Variants in LRP1B observed in about 807,000 individuals in gnomAD.
The protein encoded by LRP1B is low-density lipoprotein receptor-related protein 1B.
In LRP1B, 217 loss-of-function variants were observed where a neutral mutation model predicts 556.6. The observed-to-expected ratio is 0.39, with a 90% CI of 0.35 to 0.44. The LOEUF (loss-of-function observed/expected upper bound fraction) is 0.44. LRP1B is among the 20% of genes least tolerant of loss of function. The pLI is 1.00. For synonymous variants in LRP1B, 2,047 were observed against 1,865.8 expected, an observed-to-expected ratio of 1.10 and a Z score of -2.50; for missense variants, 5,053 against 5,620.8, an observed-to-expected ratio of 0.90 and a Z score of 3.23.
At chr2:140,521,089 A>G (rs896186031) in intron 49 of LRP1B, among the ~76,000 whole-genome samples, 2 of 152,032 alleles carry the variant, frequency 1.3e-5, no homozygotes, top group Non-Finnish European at 2.9e-5. Flanking sequence ...GAGATTCATG[A>G]GAGAGAAGAG....
intron 41 of LRP1B, among the ~76,000 whole-genome samples, chr2:140,677,748 C>A (rs1299546489): frequency 1.3e-5 from 2 of 151,958 alleles, no homozygotes; most frequent in African/African-American, 4.8e-5. Context: ...TGGTGGCAGG[C>A]ACCTGTAATC....
chr2:140,980,419 T>C (rs1167898526), intron 18 of LRP1B, among the ~76,000 whole-genome samples: 6 of 152,162 alleles, frequency 3.9e-5, no homozygotes, highest in Non-Finnish European at 8.8e-5. Context: ...ACCCACTTTA[T>C]TGGTCAGGCT....
chr2:140,700,405 T>C lies in LRP1B; in HGVS notation c.6644A>G (p.Tyr2215Cys). ...ETNLNSPIRP[Y>C]ENPRYFKNVI... is the part of the protein sequence containing the mutation. ...ATTCTTGAAATAACGTGGATTCTCA[T>C]ATGGCCTTATTGGGGAATTTAAATT... The change falls in exon 41 of 91, where the codon TAT (tyrosine) becomes TGT (cysteine). Residue 2215 changes from tyrosine to cysteine, a missense_variant. Transcript: ENST00000389484. 2 of 1,613,502 alleles carry C rather than the reference T, an allele frequency of 1.2e-6. No individual in the cohort carries two copies. The highest frequency in any genetic ancestry group is 2.2e-5 in the East Asian group (1 of 44,866).
At chr2:141,597,210 A>C (rs1284865364) in intron 2 of LRP1B, among the ~76,000 whole-genome samples, 1 of 151,940 alleles carries the variant, frequency 6.6e-6, no homozygotes, top group African/African-American at 2.4e-5. Context: ...TTCACACACG[A>C]TAATATTTCT....
chr2:141,038,186 G>A (rs1362952915), intron 11 of LRP1B, among the ~76,000 whole-genome samples: 1 of 151,820 alleles, frequency 6.6e-6, no homozygotes, highest in Non-Finnish European at 1.5e-5. Flanking sequence ...ATAAATGCAG[G>A]GCAGAGAAAC....
chr2:140,639,352 GTA>G (rs926772611), intron 41 of LRP1B, among the ~76,000 whole-genome samples: 4 of 152,030 alleles, frequency 2.6e-5, no homozygotes, highest in Admixed American at 2.6e-4. Flanking sequence ...ACTACAACAC[GTA>G]TTTTCTTTTT....
intron 59 of LRP1B, among the ~76,000 whole-genome samples, chr2:140,479,939 A>G (rs1193871470): frequency 6.6e-6 from 1 of 152,138 alleles, no homozygotes; most frequent in Middle Eastern, 3.2e-3. Context: ...TAACGTACCA[A>G]TGTATTGGTT....
intron 3 of LRP1B, among the ~76,000 whole-genome samples, chr2:141,440,069 G>C (rs1174074306): frequency 1.3e-5 from 2 of 152,072 alleles, no homozygotes; most frequent in Non-Finnish European, 2.9e-5. Context: ...TTCCTTCCAG[G>C]GCACGTTGAA....
chr2:141,492,745 A>T (rs4954911), intron 2 of LRP1B, among the ~76,000 whole-genome samples: 139,139 of 152,052 alleles, frequency 0.92, 64,087 homozygotes, highest in East Asian at 1. Context: ...GAGAGGAAGA[A>T]AGAATGTTAA....
At chr2:141,663,919 T>TAA (rs1690319629) in intron 2 of LRP1B, among the ~76,000 whole-genome samples, 1 of 104,716 alleles carries the variant, frequency 9.5e-6, no homozygotes, top group African/African-American at 4.1e-5. Flanking sequence ...CAGAGATACA[T>TAA]CAAAAAAAAA....
chr2:141,666,837 A>G (rs957056411), intron 2 of LRP1B, among the ~76,000 whole-genome samples: 1 of 152,194 alleles, frequency 6.6e-6, no homozygotes, highest in African/African-American at 2.4e-5. Context: ...ACATGATACA[A>G]TTGAGGGTAA....
intron 84 of LRP1B, among the ~76,000 whole-genome samples, chr2:140,277,586 G>C (rs1682730041): frequency 6.6e-6 from 1 of 151,212 alleles, no homozygotes; most frequent in African/African-American, 2.4e-5. Context: ...CTCCAGCCTG[G>C]GCAACAAGAG....
At chr2:140,485,578 G>C (rs2105363498) in intron 58 of LRP1B, 54 bp from the exon 59 acceptor site, 1 of 1,282,808 alleles carries the variant, frequency 7.8e-7, no homozygotes, top group Admixed American at 2.3e-5. Flanking sequence ...AATAAGAAGT[G>C]AGCAATTGCT....
chr2:140,296,092 A>T (rs537044899), intron 84 of LRP1B, among the ~76,000 whole-genome samples: 23 of 152,304 alleles, frequency 1.5e-4, no homozygotes, highest in African/African-American at 5.3e-4. Context: ...CAGATTGAGC[A>T]TCTCTAATTG....
chr2:140,649,888 G>A (rs937677502), intron 41 of LRP1B, among the ~76,000 whole-genome samples: 1 of 152,142 alleles, frequency 6.6e-6, no homozygotes, highest in East Asian at 1.9e-4. Flanking sequence ...GTATATTTGT[G>A]CTAATGTATC....
intron 7 of LRP1B, among the ~76,000 whole-genome samples, chr2:141,128,136 C>A (rs561717725): frequency 7.7e-4 from 117 of 152,292 alleles, no homozygotes; most frequent in Non-Finnish European, 5.3e-4. Flanking sequence ...CCATGAGCCA[C>A]AATGCCTGGC....
chr2:140,787,636 T>C (rs1450900033), intron 32 of LRP1B, among the ~76,000 whole-genome samples: 1 of 125,966 alleles, frequency 7.9e-6, no homozygotes, highest in Non-Finnish European at 1.6e-5. Context: ...AGTAGTCCAA[T>C]CAGGGCTCAC....
intron 1 of LRP1B, among the ~76,000 whole-genome samples, chr2:141,818,036 T>C (rs566155018): frequency 2.0e-5 from 3 of 152,346 alleles, no homozygotes; most frequent in African/African-American, 4.8e-5. Context: ...CTGTGACTTA[T>C]GTTTTCAGAG....
At chr2:140,851,909 G>A (rs1692470628) in intron 27 of LRP1B, 126 bp from the exon 28 acceptor site, 3 of 661,560 alleles carry the variant, frequency 4.5e-6, no homozygotes, top group Non-Finnish European at 7.4e-6. Context: ...CCATTAGTAG[G>A]GTGATTAATA....
Sources: gnomAD v4.1 joint callset for allele counts (sites outside exome capture counted in the v4.1 genomes callset) on GRCh38, gnomAD v4.1.1 for gene constraint, MANE v1.5 for transcripts, NCBI Gene and HGNC (gene_info 2026-07-23, HGNC 2026-07-21) for gene names.